The following PJA2 variants were observed in gnomAD, a reference collection of about 807,000 sequenced individuals.
The protein encoded by PJA2 is E3 ubiquitin-protein ligase Praja-2.
In PJA2, 25 loss-of-function variants were observed where a neutral mutation model predicts 69.3. That is an observed-to-expected ratio of 0.36 (90% CI 0.26 to 0.50). PJA2 has a LOEUF of 0.50. PJA2 is among the 20% of genes least tolerant of loss of function. The pLI, the probability that PJA2 is intolerant of heterozygous loss-of-function variation, is 0.96. For synonymous variants in PJA2, 308 were observed against 277.8 expected (o/e 1.11, Z -1.08); for missense variants, 809 against 830.2 (o/e 0.97, Z 0.31).
chr5:109,369,153 T>C (rs759866354), intron 4 of PJA2, among the ~76,000 whole-genome samples: 14 of 152,148 alleles, frequency 9.2e-5, no homozygotes, highest in Non-Finnish European at 1.3e-4. Flanking sequence ...TGCTGAACTA[T>C]GAACCAATTA....
At chr5:109,383,603 G>T in intron 1 of PJA2, 83 bp from the exon 2 acceptor site, 2 of 512,820 alleles carry the variant, frequency 3.9e-6, no homozygotes, top group Non-Finnish European at 6.9e-6. Flanking sequence ...TCCTAGTGAA[G>T]TCTTATAATA....
At chr5:109,368,399 T>C (rs902933191) in intron 5 of PJA2, among the ~76,000 whole-genome samples, 162 bp downstream of exon 5, 2 of 152,230 alleles carry the variant, frequency 1.3e-5, no homozygotes, top group Non-Finnish European at 2.9e-5. Context: ...TTCAACTTAA[T>C]TGTTCTTTTT....
chr5:109,356,991 G>A (rs190399013), intron 6 of PJA2, among the ~76,000 whole-genome samples: 178 of 152,144 alleles, frequency 1.2e-3, no homozygotes, highest in African/African-American at 4.1e-3. Flanking sequence ...ATTGAAAACC[G>A]TTAAGTATGT....
intron 6 of PJA2, 106 bp from the exon 7 acceptor site, chr5:109,356,132 G>A (rs1762409432): frequency 1.4e-6 from 1 of 717,408 alleles, no homozygotes; most frequent in Non-Finnish European, 2.3e-6. Flanking sequence ...TAAACATGCT[G>A]TGAACAGAAG....
At chr5:109,358,180 C>A (rs976151791) in intron 6 of PJA2, among the ~76,000 whole-genome samples, 3 of 152,126 alleles carry the variant, frequency 2.0e-5, no homozygotes, top group African/African-American at 7.2e-5. Context: ...GTGGGTTTAC[C>A]GTTTACAGGA....
chr5:109,375,325 C>T (rs1746836758), intron 4 of PJA2, among the ~76,000 whole-genome samples: 1 of 151,988 alleles, frequency 6.6e-6, no homozygotes, highest in Admixed American at 6.6e-5. Context: ...GCATGACCAA[C>T]ATGGTGAAAC....
intron 7 of PJA2, among the ~76,000 whole-genome samples, chr5:109,349,953 T>TCC (rs1233116105): frequency 6.6e-6 from 1 of 152,048 alleles, no homozygotes; most frequent in Non-Finnish European, 1.5e-5. Flanking sequence ...CTCCTCCAAT[T>TCC]CCCCATATGT....
At chr5:109,354,160 A>ATCTATGATG (rs1762349663) in intron 7 of PJA2, among the ~76,000 whole-genome samples, 8 of 99,052 alleles carry the variant, frequency 8.1e-5, no homozygotes, top group Non-Finnish European at 1.7e-4. Flanking sequence ...TATCTATGAT[A>ATCTATGATG]TCTAGAGATG....
At chr5:109,382,126 T>C (rs549705899) in intron 2 of PJA2, among the ~76,000 whole-genome samples, 4 of 152,308 alleles carry the variant, frequency 2.6e-5, no homozygotes, top group South Asian at 4.1e-4. Context: ...TATGATATGA[T>C]GGTTTCAATT....
intron 1 of PJA2, among the ~76,000 whole-genome samples, chr5:109,386,924 G>A (rs1441686238): frequency 6.6e-6 from 1 of 152,072 alleles, no homozygotes; most frequent in African/African-American, 2.4e-5. Context: ...GACTTGTTTG[G>A]GGCAGGCCAT....
intron 2 of PJA2, among the ~76,000 whole-genome samples, chr5:109,382,298 C>T (rs779225937): frequency 5.2e-4 from 79 of 152,258 alleles, no homozygotes; most frequent in Non-Finnish European, 1.0e-3. Context: ...CAAACACATA[C>T]TACCCTGCCT....
intron 1 of PJA2, among the ~76,000 whole-genome samples, chr5:109,400,807 G>A (rs1003184965): frequency 3.3e-5 from 5 of 151,818 alleles, no homozygotes; most frequent in African/African-American, 4.8e-5. Flanking sequence ...GTGAAACCCC[G>A]TCTCTACTAA....
At chr5:109,370,514 C>T (rs1000938445) in intron 4 of PJA2, among the ~76,000 whole-genome samples, 7 of 152,140 alleles carry the variant, frequency 4.6e-5, no homozygotes, top group East Asian at 1.9e-4. Flanking sequence ...AGGGCATTAA[C>T]ATCCCGGAGA....
intron 1 of PJA2, among the ~76,000 whole-genome samples, chr5:109,404,411 C>G (rs1351642355): frequency 6.6e-6 from 1 of 151,934 alleles, no homozygotes; most frequent in African/African-American, 2.4e-5. Flanking sequence ...ATCCCAGCTA[C>G]TCGGGAGGCT....
chr5:109,372,737 C>T (rs1193862948), intron 4 of PJA2, among the ~76,000 whole-genome samples: 1 of 151,530 alleles, frequency 6.6e-6, no homozygotes, highest in Non-Finnish European at 1.5e-5. Context: ...GAAAACTGGT[C>T]TCTACTAAAA....
At chr5:109,377,604 T>G (rs1262521982) in intron 4 of PJA2, among the ~76,000 whole-genome samples, 2 of 152,206 alleles carry the variant, frequency 1.3e-5, no homozygotes, top group Non-Finnish European at 2.9e-5. Flanking sequence ...TACCATTAAG[T>G]TGCTCTGTGA....
chr5:109,408,966 C>G (rs893144560), intron 1 of PJA2, among the ~76,000 whole-genome samples: 5 of 152,046 alleles, frequency 3.3e-5, no homozygotes, highest in Admixed American at 3.3e-4. Context: ...CTTCACAGAA[C>G]CAGCAGACTC....
chr5:109,350,931 G>A (rs1234040428), intron 7 of PJA2, among the ~76,000 whole-genome samples: 1 of 152,036 alleles, frequency 6.6e-6, no homozygotes, highest in East Asian at 1.9e-4. Context: ...ATCCACATAA[G>A]AATGCACCTG....
At chr5:109,374,280 C>G (rs1334502268) in intron 4 of PJA2, among the ~76,000 whole-genome samples, 1 of 152,138 alleles carries the variant, frequency 6.6e-6, no homozygotes, top group Non-Finnish European at 1.5e-5. Context: ...CTAATGTGCT[C>G]CTTCCAAACT....
Sources: gnomAD v4.1 joint callset for allele counts (sites outside exome capture counted in the v4.1 genomes callset) on GRCh38, gnomAD v4.1.1 for gene constraint, MANE v1.5 for transcripts, NCBI Gene and HGNC (gene_info 2026-07-23, HGNC 2026-07-21) for gene names.